Variants in SH3BGRL2 observed in about 807,000 individuals in gnomAD.
The protein encoded by SH3BGRL2 is SH3 domain-binding glutamic acid-rich-like protein 2.
Under a neutral mutation model 14.8 loss-of-function variants are expected in SH3BGRL2, and 21 were observed. The observed-to-expected ratio is 1.42, with a 90% confidence interval of 1.01 to 2.05. The LOEUF (loss-of-function observed/expected upper bound fraction) is 2.05. Ranked by LOEUF, SH3BGRL2 falls within the 30% of genes most tolerant of loss-of-function variation. The pLI is 0.00. For synonymous variants in SH3BGRL2, 50 were observed against 47.8 expected (o/e 1.05, Z -0.19); for missense variants, 147 against 130.8 (o/e 1.12, Z -0.61).
intron 1 of SH3BGRL2, among the ~76,000 whole-genome samples, chr6:79,657,612 A>C (rs916803876): frequency 2.0e-5 from 3 of 151,424 alleles, no homozygotes; most frequent in Non-Finnish European, 2.9e-5. Flanking sequence ...AGACTTGTTA[A>C]TTTTTTTTAA....
rs535226883 is a variant in SH3BGRL2, at chr6:79,699,100, G to T, written c.313-398G>T. On this transcript the variant is annotated intron_variant, in intron 3 of 3. Coordinates refer to ENST00000369838, the MANE Select transcript of SH3BGRL2 (RefSeq NM_031469.4). The stretch of plus-strand genomic sequence containing the variant: ...CAGGGGTGGCAGTTGGGGGACTGGG[G>T]CAGCGACTCTTTACTAACAGATATG... Among the ~76,000 whole-genome samples, 98 of 151,150 alleles carry T rather than the reference G, an allele frequency of 6.5e-4. 2 individuals carry two copies. Among genetic ancestry groups the T allele is most frequent in the Admixed American group, 6.0e-3 (91 of 15,172 alleles).
chr6:79,583,735 G>GA, the SH3BGRL2 span, among the ~76,000 whole-genome samples: 5 of 152,158 alleles, frequency 3.3e-5, no homozygotes, highest in Non-Finnish European at 7.4e-5. Flanking sequence ...ACCTATGTAT[G>GA]AAACCTGCAC....
At chr6:79,671,562 A>T (rs565507808) in intron 1 of SH3BGRL2, among the ~76,000 whole-genome samples, 97 of 152,348 alleles carry the variant, frequency 6.4e-4, no homozygotes, top group African/African-American at 2.2e-3. Flanking sequence ...TGTAAGATTC[A>T]TTTCATTTCA....
chr6:79,547,875 C>G, the SH3BGRL2 span, among the ~76,000 whole-genome samples: 1 of 152,008 alleles, frequency 6.6e-6, no homozygotes, highest in Non-Finnish European at 1.5e-5. Context: ...ATAATAATTA[C>G]TATTTTTTGA....
the SH3BGRL2 span, among the ~76,000 whole-genome samples, chr6:79,549,764 T>C: frequency 6.6e-6 from 1 of 152,202 alleles, no homozygotes; most frequent in South Asian, 2.1e-4. Context: ...TAATAGATAC[T>C]GTCTAAAATT....
the SH3BGRL2 span, among the ~76,000 whole-genome samples, chr6:79,558,660 T>C: frequency 1.3e-5 from 2 of 151,048 alleles, no homozygotes; most frequent in Non-Finnish European, 3.0e-5. Context: ...AGCCCAGGAG[T>C]TGGAGACAAG....
rs1457771074 is a variant in SH3BGRL2 at position 79,701,074 on chromosome 6, A to G, written c.*1565A>G. ...GCTGAAATCCCAACCTGAGATTTGT[A>G]GTCCAGGATTACAACCAGAAGGAAA... On this transcript the variant is annotated 3_prime_UTR_variant, in exon 4 of 4. Coordinates refer to ENST00000369838, the MANE Select transcript of SH3BGRL2 (RefSeq NM_031469.4). The G allele has an allele frequency of 1.3e-5, 2 of 152,208 alleles. No individual in the cohort carries two copies. The highest frequency in any genetic ancestry group is 4.8e-5 in the African/African-American group (2 of 41,448). 9.4% of individuals were successfully genotyped at this position (152,208 alleles called of 1,614,324 possible). A position where few individuals can be genotyped will look rare whatever the true frequency, so the allele number is the denominator to read the frequency against.
chr6:79,674,179 TA>T (rs1238033869), intron 2 of SH3BGRL2, among the ~76,000 whole-genome samples: 6 of 152,116 alleles, frequency 3.9e-5, no homozygotes, highest in African/African-American at 1.4e-4. Context: ...TTAATCAAAT[TA>T]TTTTTTGATT....
Position 79,673,810 on chromosome 6 carries a change from A to G in SH3BGRL2, c.231+11A>G, listed in dbSNP as rs774526891. Reference sequence around the variant, plus strand: ...GACCGATACTGTGGAGTAAGTGGCTAGACTGTTATCATGCTGTTTCTTTTT... The same window carrying G: ...GACCGATACTGTGGAGTAAGTGGCTGGACTGTTATCATGCTGTTTCTTTTT... On this transcript the variant is annotated intron_variant, in intron 2 of 3. Coordinates refer to ENST00000369838, the MANE Select transcript of SH3BGRL2 (RefSeq NM_031469.4). 1.2e-6 allele frequency: 2 copies of G among 1,610,102 alleles called. No homozygotes were observed. Among genetic ancestry groups the G allele is most frequent in the African/African-American group, 2.7e-5 (2 of 74,652 alleles).
chr6:79,658,946 A>T (rs1582723461), intron 1 of SH3BGRL2, among the ~76,000 whole-genome samples: 1 of 152,308 alleles, frequency 6.6e-6, no homozygotes, highest in Non-Finnish European at 1.5e-5. Flanking sequence ...TCTTCTTTTG[A>T]GAAGTGTCTG....
chr6:79,653,471 G>A (rs1039573585), intron 1 of SH3BGRL2, among the ~76,000 whole-genome samples: 1 of 152,170 alleles, frequency 6.6e-6, no homozygotes, highest in African/African-American at 2.4e-5. Flanking sequence ...AATTATGTGT[G>A]TCCTGGCTGT....
At chr6:79,676,980 A>G (rs1769897982) in intron 2 of SH3BGRL2, among the ~76,000 whole-genome samples, 1 of 152,126 alleles carries the variant, frequency 6.6e-6, no homozygotes, top group Non-Finnish European at 1.5e-5. Flanking sequence ...GAACGGTGTT[A>G]GTCCTGTGGT....
chr6:79,595,452 G>A, the SH3BGRL2 span, among the ~76,000 whole-genome samples: 1 of 152,198 alleles, frequency 6.6e-6, no homozygotes, highest in Admixed American at 6.6e-5. Context: ...AAATAATCCA[G>A]TAGAAAATGG....
intron 1 of SH3BGRL2, among the ~76,000 whole-genome samples, chr6:79,661,700 C>T (rs1769552042): frequency 6.6e-6 from 1 of 152,204 alleles, no homozygotes; most frequent in Non-Finnish European, 1.5e-5. Flanking sequence ...AATCTTCTGT[C>T]TCATTCATCT....
At chr6:79,586,398 G>A in the SH3BGRL2 span, among the ~76,000 whole-genome samples, 1 of 151,766 alleles carries the variant, frequency 6.6e-6, no homozygotes, top group East Asian at 1.9e-4. Context: ...CATTTATTTT[G>A]AAAATTATTA....
chr6:79,617,199 GAA>G, the SH3BGRL2 span, among the ~76,000 whole-genome samples: 1 of 149,086 alleles, frequency 6.7e-6, no homozygotes. Flanking sequence ...ACAAAAAAAA[GAA>G]AAAAAAAAGA....
chr6:79,615,817 C>CTTTTTTTTTTTTTTTTTTTTTTTTT, the SH3BGRL2 span, among the ~76,000 whole-genome samples: 1 of 124,250 alleles, frequency 8.0e-6, no homozygotes, highest in African/African-American at 3.1e-5. Flanking sequence ...CCACTCCTGC[C>CTTTTTTTTTTTTTTTTTTTTTTTTT]TTTTTTTTTT....
intron 1 of SH3BGRL2, among the ~76,000 whole-genome samples, chr6:79,636,126 G>A (rs1339531036): frequency 6.6e-6 from 1 of 152,092 alleles, no homozygotes; most frequent in African/African-American, 2.4e-5. Flanking sequence ...CACATGGCAG[G>A]GTAATTATTA....
chr6:79,569,121 T>C, the SH3BGRL2 span, among the ~76,000 whole-genome samples: 1 of 152,180 alleles, frequency 6.6e-6, no homozygotes, highest in Non-Finnish European at 1.5e-5. Context: ...AGATGTACGA[T>C]ATACATTGGT....
Sources: gnomAD v4.1 joint callset for allele counts (sites outside exome capture counted in the v4.1 genomes callset) on GRCh38, gnomAD v4.1.1 for gene constraint, MANE v1.5 for transcripts, NCBI Gene and HGNC (gene_info 2026-07-23, HGNC 2026-07-21) for gene names.